Variants in NBPF3 observed in about 807,000 individuals in gnomAD.
NBPF3 encodes NBPF family member NBPF3.
Under a neutral mutation model 78.1 loss-of-function variants are expected in NBPF3, and 57 were observed. The observed-to-expected ratio is 0.73, with a 90% CI of 0.59 to 0.91. NBPF3 has a LOEUF of 0.91. Ranked by LOEUF, NBPF3 falls within the 40% of genes least tolerant of loss-of-function variation. The probability of loss-of-function intolerance (pLI) is 0.00; values close to 1 mark genes in which losing one functional copy is unlikely to be tolerated. For missense variants in NBPF3, 510 were observed against 715.3 expected (o/e 0.71, Z 3.27); for synonymous variants, 182 against 271.7 (o/e 0.67, Z 3.25).
At chr1:21,453,346 T>C (rs1173229637) in intron 2 of NBPF3, 3 of 152,190 alleles carry the variant, frequency 2.0e-5, no homozygotes, top group African/African-American at 4.8e-5. Context: ...GTGGGTCCCA[T>C]AGCATTATTT....
At chr1:21,471,917 C>T in intron 5 of NBPF3, 134 bp downstream of exon 5, 1 of 1,256,214 alleles carries the variant, frequency 8.0e-7, no homozygotes. Context: ...ACATAAGTGA[C>T]ATAACCAGGA....
chr1:21,445,806 T>A (rs1215397576), intron 2 of NBPF3, among the ~76,000 whole-genome samples: 1 of 152,150 alleles, frequency 6.6e-6, no homozygotes, highest in Non-Finnish European at 1.5e-5. Context: ...GGACTTAGAA[T>A]TTATGGGCCA....
Position 21,468,773 on chromosome 1 carries a change from T to A in NBPF3, c.219T>A (p.Ile73=). 1 of 1,613,754 alleles carries A rather than the reference T, an allele frequency of 6.2e-7. No homozygotes were observed. Among genetic ancestry groups the A allele is most frequent in the Admixed American group, 1.7e-5 (1 of 59,990 alleles). The change falls in exon 3 of 15, where the codon ATT becomes ATA. Residue 73 remains isoleucine (I), a synonymous_variant. Coordinates refer to ENST00000318249, the MANE Select transcript of NBPF3 (RefSeq NM_032264.6). The part of the protein sequence containing the change: ...PWSGEKAEMN[I]LEINKKSRPQ... ...CCGGTGAGAAGGCAGAGATGAACAT[T>A]CTAGAAATCAACAAGAAATCGCGCC...
At chr1:21,438,933 T>A (rs550005318), upstream of NBPF3, among the ~76,000 whole-genome samples, 1 of 152,258 alleles carries the variant, frequency 6.6e-6, no homozygotes, top group East Asian at 1.9e-4. Context: ...CACAGGCCCT[T>A]CAGAAGGGCA....
chr1:21,474,991 C>A (rs774643149), intron 8 of NBPF3, 40 bp downstream of exon 8: 2 of 1,552,600 alleles, frequency 1.3e-6, no homozygotes, highest in Non-Finnish European at 8.8e-7. Flanking sequence ...TCAATAGTGG[C>A]AGCTGGAGTT....
chr1:21,457,354 ATATATATATGTATG>A (rs1239863678), intron 2 of NBPF3, among the ~76,000 whole-genome samples: 4,076 of 145,614 alleles, frequency 0.028, 152 homozygotes, highest in African/African-American at 0.089. Flanking sequence ...GTGTGTATAT[ATATATATATGTATG>A]TATATATATG....
chr1:21,449,866 G>T, intron 2 of NBPF3: 1 of 661,960 alleles, frequency 1.5e-6, no homozygotes, highest in Non-Finnish European at 1.9e-6. Flanking sequence ...CAGGTGGCAA[G>T]GGCTCTGAAA....
In NBPF3 at chr1:21,479,820, C is replaced by CTCTGTGTGTGTGTGTGTG. The variant is rs766796014; in HGVS notation, c.1209-230_1209-229insCTGTGTGTGTGTGTGTGT. On this transcript the variant is annotated intron_variant, in intron 10 of 14. Transcript: ENST00000318249. The stretch of plus-strand genomic sequence containing the variant: ...TCTCTCTCTCTCTCTCTCTCTCTCT[C>CTCTGTGTGTGTGTGTGTG]TGTGTGTGTGTGTGTGTGTGTGTGT... Among the ~76,000 whole-genome samples, 490 of 102,826 alleles carry CTCTGTGTGTGTGTGTGTG rather than the reference C, an allele frequency of 4.8e-3. 6 individuals carry two copies. Among genetic ancestry groups the CTCTGTGTGTGTGTGTGTG allele is most frequent in the African/African-American group, 0.015 (446 of 29,728 alleles). The allele number at this position is 102,826 out of a possible 152,430, so 67.5% of individuals were successfully genotyped here. A position where few individuals can be genotyped will look rare whatever the true frequency, so the allele number is the denominator to read the frequency against.
At chr1:21,470,029 G>C (rs1307774414) in intron 3 of NBPF3, among the ~76,000 whole-genome samples, 1 of 139,538 alleles carries the variant, frequency 7.2e-6, no homozygotes, top group Non-Finnish European at 1.6e-5. Context: ...TTAACACTCT[G>C]TTAGTTCTTC....
chr1:21,465,850 C>A (rs1033310416), intron 2 of NBPF3, among the ~76,000 whole-genome samples: 5 of 152,202 alleles, frequency 3.3e-5, no homozygotes, highest in Non-Finnish European at 7.3e-5. Flanking sequence ...TGTATTTTAG[C>A]CACCTAACAA....
rs1251365981 is a variant in NBPF3 at position 21,479,394 on chromosome 1, G to C, written c.1202G>C (p.Ser401Thr). 5.6e-6 allele frequency: 9 copies of C among 1,610,362 alleles called. No homozygotes were observed. Among genetic ancestry groups the C allele is most frequent in the Non-Finnish European group, 7.6e-6 (9 of 1,178,304 alleles). The change falls in exon 10 of 15, where the codon AGT becomes ACT. Residue 401 changes from serine to threonine, a missense_variant. This residue lies in a region of NBPF3 where 440 missense variants were observed against 478.2 expected (regional missense o/e 0.92). Coordinates refer to ENST00000318249, the MANE Select transcript of NBPF3 (RefSeq NM_032264.6). Reference protein sequence around the residue: ...QVKKEDQEATSPRLSRELLDE... With the variant: ...QVKKEDQEATTPRLSRELLDE... ...AAAAAGGAGGACCAAGAGGCCACAA[G>C]TCCCAGGTGAGTCTGAGAAATTATG...
intron 2 of NBPF3, among the ~76,000 whole-genome samples, chr1:21,463,920 G>A (rs796800318): frequency 2.0e-5 from 3 of 152,282 alleles, no homozygotes; most frequent in South Asian, 2.1e-4. Flanking sequence ...TTCACACCCA[G>A]CAGTATGACT....
intron 2 of NBPF3, among the ~76,000 whole-genome samples, chr1:21,462,089 T>G (rs953812886): frequency 6.6e-6 from 1 of 152,126 alleles, no homozygotes; most frequent in African/African-American, 2.4e-5. Flanking sequence ...CTTTTCACCT[T>G]CTGCTGCAAG....
At chr1:21,448,490 G>A (rs1641118119) in intron 2 of NBPF3, among the ~76,000 whole-genome samples, 2 of 152,068 alleles carry the variant, frequency 1.3e-5, no homozygotes, top group African/African-American at 2.4e-5. Flanking sequence ...GAATCTATTT[G>A]TGTGTGTTTT....
intron 7 of NBPF3, 81 bp downstream of exon 7, chr1:21,473,666 A>G (rs1289715096): frequency 8.3e-7 from 1 of 1,200,478 alleles, no homozygotes; most frequent in Admixed American, 1.8e-5. Flanking sequence ...ATACACACAG[A>G]TTGGTTTTAA....
chr1:21,463,275 A>G (rs113947850), intron 2 of NBPF3, among the ~76,000 whole-genome samples: 3 of 152,170 alleles, frequency 2.0e-5, no homozygotes, highest in Non-Finnish European at 4.4e-5. Context: ...AAAGGGCCTG[A>G]GGAATATGTG....
upstream of NBPF3, among the ~76,000 whole-genome samples, chr1:21,439,807 C>A (rs1352018541): frequency 6.6e-6 from 1 of 152,124 alleles, no homozygotes; most frequent in African/African-American, 2.4e-5. Flanking sequence ...ACGCTCCGGG[C>A]CTCCGAGGGG....
intron 1 of NBPF3, 87 bp from the exon 2 acceptor site, chr1:21,444,861 A>G (rs1640871751): frequency 2.2e-6 from 1 of 454,116 alleles, no homozygotes. Flanking sequence ...GGGTCTTCCC[A>G]GTCTCCGTAA....
chr1:21,478,092 T>C (rs946583759), intron 8 of NBPF3, 52 bp from the exon 9 acceptor site: 33 of 1,612,564 alleles, frequency 2.0e-5, no homozygotes, highest in Non-Finnish European at 2.6e-5. Context: ...TTTTGTTGTC[T>C]AATCTCTGTT....
Sources: allele counts gnomAD v4.1 joint callset (sites outside exome capture counted in the v4.1 genomes callset), GRCh38; gene constraint gnomAD v4.1.1; regional missense constraint gnomAD v4.1.1; transcripts MANE v1.5; gene names NCBI Gene and HGNC (gene_info 2026-07-23, HGNC 2026-07-21).